Variants in SH2D3C observed in about 807,000 individuals in gnomAD.
The protein encoded by SH2D3C is SH2 domain containing 3C.
Under a neutral mutation model 75.2 loss-of-function variants are expected in SH2D3C, and 25 were observed. The ratio of observed to expected loss-of-function variants is 0.33; its 90% CI spans 0.24 to 0.46. The LOEUF is 0.46. Among genes scored for constraint, SH2D3C ranks in the 20% least tolerant of loss-of-function variants. The pLI is 1.00. For missense variants in SH2D3C, 933 were observed against 1,165.3 expected, an observed-to-expected ratio of 0.80 and a Z score of 2.90; for synonymous variants, 450 against 473.7, an observed-to-expected ratio of 0.95 and a Z score of 0.65.
At chr9:127,777,863 A>C (rs1829052765) in intron 1 of SH2D3C, among the ~76,000 whole-genome samples, 1 of 152,150 alleles carries the variant, frequency 6.6e-6, no homozygotes, top group South Asian at 2.1e-4. Context: ...GACAAAGAGA[A>C]ACAGAAACAA....
In SH2D3C at chr9:127,751,303, G is replaced by A. The variant is rs1439268972; in HGVS notation, c.556-3C>T. 1 of 1,613,066 alleles carries A rather than the reference G, an allele frequency of 6.2e-7. No homozygotes were observed. Among genetic ancestry groups the A allele is most frequent in the African/African-American group, 1.3e-5 (1 of 74,896 alleles). On this transcript the variant is annotated splice_polypyrimidine_tract_variant and splice_region_variant and intron_variant, in intron 3 of 11. Coordinates refer to ENST00000314830, the MANE Select transcript of SH2D3C (RefSeq NM_170600.3). This position sits in a 1 kb window ranked among gnomAD's most constrained non-coding sequence, Gnocchi z 4.1. ...AGGATGTACTTCTCCTTGGAGAACT[G>A]GGTAGAAAACAGCAAGAGTTGGCAT...
intron 2 of SH2D3C, among the ~76,000 whole-genome samples, chr9:127,770,830 T>C (rs1845718920): frequency 2.0e-5 from 3 of 152,154 alleles, no homozygotes; most frequent in African/African-American, 7.2e-5. Context: ...TCAGCGGCCC[T>C]GGCCCTGCTG....
chr9:127,770,942 CTT>C (rs1845721115), intron 2 of SH2D3C, among the ~76,000 whole-genome samples: 1 of 152,234 alleles, frequency 6.6e-6, no homozygotes, highest in African/African-American at 2.4e-5. Flanking sequence ...GCAGGCAAAT[CTT>C]TCTTTCCTCA....
chr9:127,755,616 T>G (rs1845359852), intron 3 of SH2D3C, among the ~76,000 whole-genome samples: 1 of 152,114 alleles, frequency 6.6e-6, no homozygotes, highest in Non-Finnish European at 1.5e-5. Context: ...GAAAAATCCG[T>G]ATATGTGCTG....
chr9:127,754,788 C>A lies in SH2D3C; in HGVS notation c.556-3488G>T, dbSNP rs749610886. ...GACGCCGGAGACCCCATCTCCCAGT[C>A]CCCCCTGCCCCAGCTCTCTCCCTCC... On this transcript the variant is annotated intron_variant, in intron 3 of 11. Transcript: ENST00000314830. The surrounding 1 kb of genome is among the most constrained non-coding windows in gnomAD (Gnocchi z 4.4). The A allele has an allele frequency of 5.7e-5, 27 of 476,834 alleles. No individual in the cohort carries two copies. Among genetic ancestry groups the A allele is most frequent in the Non-Finnish European group, 8.6e-5 (20 of 231,312 alleles). 29.5% of individuals were successfully genotyped at this position (476,834 alleles called of 1,614,324 possible).
rs546475828 is a variant in SH2D3C, at chr9:127,741,246, T to C, written c.2088+542A>G. Among the ~76,000 whole-genome samples, 69 of 151,168 alleles carry C rather than the reference T, an allele frequency of 4.6e-4. No homozygotes were observed. In the South Asian group the frequency reaches 0.014, roughly 30 times the overall value. Reference sequence around the variant, plus strand: ...GTTGCCACTTTCTTCTTATTCTTTTTTTTTTTTTTTTTGAGACGGAGTCTC... The same window carrying C: ...GTTGCCACTTTCTTCTTATTCTTTTCTTTTTTTTTTTTGAGACGGAGTCTC... On this transcript the variant is annotated intron_variant, in intron 9 of 11. Transcript: ENST00000314830.
In SH2D3C at chr9:127,754,918, T is replaced by G. The variant is rs1161108564; in HGVS notation, c.556-3618A>C. 1 of 515,992 alleles carries G rather than the reference T, an allele frequency of 1.9e-6. No homozygotes were observed. Among genetic ancestry groups the G allele is most frequent in the Non-Finnish European group, 3.8e-6 (1 of 262,850 alleles). The allele number at this position is 515,992 out of a possible 1,614,324, so 32.0% of individuals were successfully genotyped here. On this transcript the variant is annotated intron_variant, in intron 3 of 11. Coordinates refer to ENST00000314830, the MANE Select transcript of SH2D3C (RefSeq NM_170600.3). This position sits in a 1 kb window ranked among gnomAD's most constrained non-coding sequence, Gnocchi z 4.4. Reference sequence around the variant, plus strand: ...GCGCCTGGGCGCCCAGAGGTGAGGCTGGGGTGACCCCGCCCCCTCCCCGGG... The same window carrying G: ...GCGCCTGGGCGCCCAGAGGTGAGGCGGGGGTGACCCCGCCCCCTCCCCGGG...
At chr9:127,743,548 A>G (rs1029504378) in intron 7 of SH2D3C, among the ~76,000 whole-genome samples, 38 of 152,338 alleles carry the variant, frequency 2.5e-4, no homozygotes, top group African/African-American at 9.1e-4. Flanking sequence ...GTTAAGGTTA[A>G]GAGCTGGATA....
chr9:127,764,784 T>C (rs1845602202), intron 2 of SH2D3C, among the ~76,000 whole-genome samples: 1 of 152,206 alleles, frequency 6.6e-6, no homozygotes, highest in African/African-American at 2.4e-5. Context: ...CTTGGCTGAC[T>C]GCAACCTCCG....
In SH2D3C at chr9:127,749,219, G is replaced by A. The variant is rs765398246; in HGVS notation, c.1131C>T (p.Cys377=). The A allele has an allele frequency of 6.4e-7, 1 of 1,553,138 alleles. No homozygotes were observed. Among genetic ancestry groups the A allele is most frequent in the East Asian group, 2.3e-5 (1 of 44,258 alleles). Residue 377 remains cysteine, a synonymous_variant, in exon 5 of 12, where the codon TGC becomes TGT. Transcript: ENST00000314830. This position sits in a 1 kb window ranked among gnomAD's most constrained non-coding sequence, Gnocchi z 5.9. ...ATGGGGCCCTGGCTGACCTGGTGGG[G>A]CAGCCATCGCTGCGGGTGACCTTGT... ...TADKVTRSDG[C]PTSTSLPRPR... is the part of the protein sequence containing the mutation.
rs969963628 is a variant in SH2D3C at position 127,741,098 on chromosome 9, T to C, written c.2088+690A>G. On this transcript the variant is annotated intron_variant, in intron 9 of 11. Coordinates refer to ENST00000314830, the MANE Select transcript of SH2D3C (RefSeq NM_170600.3). ...GACCTTAGGCAAGGACTGCTCTGTC[T>C]CAAACACTCCATTTGTAAAATGTGG... is the stretch of plus-strand genomic sequence containing the variant. Among the ~76,000 whole-genome samples the C allele has an allele frequency of 6.6e-5, 10 of 152,196 alleles. No individual in the cohort carries two copies. In the East Asian group the frequency reaches 1.7e-3, roughly 26 times the overall value.
chr9:127,774,003 C>A lies in SH2D3C; in HGVS notation c.502G>T (p.Val168Leu). ...CTGGGCACCTACCTTTCTGAGTGCA[C>A]GTCCCTGGGAGGTCTCTCCTCTTCT... ...DVEEERPPRD[V>L]HSERAAGEPE... Residue 168 changes from valine (V) to leucine (L), a missense_variant, in exon 2 of 12, where the codon GTG becomes TTG. Val to Leu is a conservative substitution (Grantham distance 32). Transcript: ENST00000314830. The surrounding 1 kb of genome is among the most constrained non-coding windows in gnomAD (Gnocchi z 4.3). 6.2e-7 allele frequency: 1 copy of A among 1,609,712 alleles called. No homozygotes were observed. The highest frequency in any genetic ancestry group is 8.5e-7 in the Non-Finnish European group (1 of 1,176,290).
At chr9:127,766,960 T>C in intron 2 of SH2D3C, 2 of 1,536,138 alleles carry the variant, frequency 1.3e-6, no homozygotes, top group Non-Finnish European at 8.7e-7. Flanking sequence ...TTAAAGGCCC[T>C]GGGCAAAAAG....
Position 127,749,459 on chromosome 9 carries a change from C to T in SH2D3C, c.891G>A (p.Val297=), listed in dbSNP as rs780714916. ...QESFDHVPAL[V]RYHVGSRKAV... ...CCTTGCGGCTGCCCACATGATAGCG[C>T]ACGAGGGCGGGCACGTGGTCAAAGC... The change falls in exon 5 of 12, where the codon GTG becomes GTA. Residue 297 remains valine, a synonymous_variant. Transcript: ENST00000314830. This position sits in a 1 kb window ranked among gnomAD's most constrained non-coding sequence, Gnocchi z 5.9. 6.2e-7 allele frequency: 1 copy of T among 1,614,202 alleles called. No homozygotes were observed. The highest frequency in any genetic ancestry group is 8.5e-7 in the Non-Finnish European group (1 of 1,180,046).
chr9:127,742,323 G>A (rs1421118542), intron 8 of SH2D3C, among the ~76,000 whole-genome samples: 1 of 152,176 alleles, frequency 6.6e-6, no homozygotes, highest in East Asian at 1.9e-4. Flanking sequence ...TGCAACCTCC[G>A]CCTCCTGGGT....
intron 1 of SH2D3C, 139 bp downstream of exon 1, chr9:127,778,452 C>T (rs1219599964): frequency 1.3e-6 from 1 of 756,320 alleles, no homozygotes; most frequent in Non-Finnish European, 2.3e-6. Context: ...ACGCTGGTGT[C>T]CAAAAGCAAA....
intron 2 of SH2D3C, chr9:127,762,081 C>A: frequency 4.2e-6 from 1 of 235,588 alleles, no homozygotes; most frequent in Non-Finnish European, 7.6e-6. Flanking sequence ...TGACTCTAAA[C>A]ACTGGAGGGC....
intron 3 of SH2D3C, among the ~76,000 whole-genome samples, chr9:127,760,900 G>A (rs1016365236): frequency 8.6e-5 from 13 of 151,742 alleles, no homozygotes; most frequent in Admixed American, 4.6e-4. Context: ...GTGCAGTGGC[G>A]CAAATCTCAG....
intron 4 of SH2D3C, among the ~76,000 whole-genome samples, chr9:127,750,632 C>T (rs1296631060): frequency 6.6e-6 from 1 of 152,258 alleles, no homozygotes; most frequent in Non-Finnish European, 1.5e-5. Flanking sequence ...GAAGCCACCA[C>T]CTTTTCTACC....
Sources: allele counts gnomAD v4.1 joint callset (sites outside exome capture counted in the v4.1 genomes callset), GRCh38; gene constraint gnomAD v4.1.1; non-coding constraint Gnocchi (gnomAD v3.1); transcripts MANE v1.5; gene names NCBI Gene and HGNC (gene_info 2026-07-23, HGNC 2026-07-21).